BCAS4: variants seen among roughly 807,000 people sequenced by gnomAD.
BCAS4 encodes breast carcinoma amplified sequence 4.
A neutral mutation model predicts 15.7 loss-of-function variants in BCAS4; 9 were observed. The observed-to-expected ratio is 0.57, with a 90% CI of 0.34 to 1.00. The LOEUF (loss-of-function observed/expected upper bound fraction) is 1.00. Ranked by LOEUF, BCAS4 falls within the 50% of genes least tolerant of loss-of-function variation. BCAS4 has a pLI of 0.02. For missense variants in BCAS4, 225 were observed against 239.1 expected (o/e 0.94, Z 0.39); for synonymous variants, 101 against 99.5 (o/e 1.02, Z -0.09).
intron 4 of BCAS4, among the ~76,000 whole-genome samples, chr20:50,869,076 G>A (rs1979500514): frequency 6.6e-6 from 1 of 152,258 alleles, no homozygotes; most frequent in Admixed American, 6.5e-5. Flanking sequence ...CAGCGAAGCT[G>A]ATGGCGTTAT....
intron 2 of BCAS4, among the ~76,000 whole-genome samples, chr20:50,826,735 G>A (rs1354711200): frequency 2.6e-5 from 4 of 152,180 alleles, no homozygotes; most frequent in Non-Finnish European, 4.4e-5. Context: ...ACTTTGGATT[G>A]AGGCAGGAGG....
chr20:50,808,000 T>C (rs903536428), intron 1 of BCAS4, among the ~76,000 whole-genome samples: 2 of 150,692 alleles, frequency 1.3e-5, no homozygotes, highest in African/African-American at 2.4e-5. Context: ...CTCCGCCTCC[T>C]GGGTTCACGC....
chr20:50,854,152 A>G (rs1978626869), intron 4 of BCAS4, among the ~76,000 whole-genome samples: 1 of 152,092 alleles, frequency 6.6e-6, no homozygotes, highest in Admixed American at 6.5e-5. Context: ...AAAGTTAAAA[A>G]ATATATGAAA....
intron 4 of BCAS4, among the ~76,000 whole-genome samples, chr20:50,871,390 G>A (rs557161671): frequency 1.3e-5 from 2 of 152,372 alleles, no homozygotes; most frequent in South Asian, 2.1e-4. Flanking sequence ...CCGCCAGGGC[G>A]TCTGCAGCCG....
At chr20:50,808,406 C>T (rs1468263519) in intron 1 of BCAS4, among the ~76,000 whole-genome samples, 1 of 152,228 alleles carries the variant, frequency 6.6e-6, no homozygotes, top group Non-Finnish European at 1.5e-5. Context: ...AATCTCCACA[C>T]TGTTTTCCGT....
chr20:50,841,857 T>C lies in BCAS4; in HGVS notation c.356T>C (p.Leu119Pro), dbSNP rs763173953. The C allele has an allele frequency of 1.2e-6, 2 of 1,606,676 alleles. No homozygotes were observed. The highest frequency in any genetic ancestry group is 1.1e-5 in the South Asian group (1 of 90,580). ...ERDHGAFPQA[L>P]RRWLGSAGLP... ...GACCATGGGGCCTTCCCTCAGGCCC[T>C]GCGGAGGTGGCTGGGATCCGCAGGG... Residue 119 changes from leucine to proline, a missense_variant, in exon 4 of 5, where the codon CTG becomes CCG. Physicochemically the swap from Leu to Pro is moderately conservative, Grantham distance 98 (BLOSUM62 -3). Transcript: ENST00000371608.
intron 2 of BCAS4, among the ~76,000 whole-genome samples, chr20:50,825,331 C>T (rs924752818): frequency 6.6e-6 from 1 of 152,134 alleles, no homozygotes; most frequent in African/African-American, 2.4e-5. Context: ...ACCCTCTCAC[C>T]TCGGCCTCTC....
intron 4 of BCAS4, among the ~76,000 whole-genome samples, chr20:50,861,929 C>CT (rs2123837146): frequency 7.2e-6 from 1 of 138,876 alleles, no homozygotes; most frequent in South Asian, 2.5e-4. Context: ...TCATGGCTCA[C>CT]TGCAGCCTCC....
chr20:50,852,547 A>G (rs1249737378), intron 4 of BCAS4, among the ~76,000 whole-genome samples: 1 of 151,676 alleles, frequency 6.6e-6, no homozygotes, highest in African/African-American at 2.4e-5. Context: ...ATGACTGGCT[A>G]ATTTTTGTAT....
chr20:50,846,054 AAG>A (rs1224902565), intron 4 of BCAS4, among the ~76,000 whole-genome samples: 4 of 152,210 alleles, frequency 2.6e-5, no homozygotes, highest in African/African-American at 9.6e-5. Flanking sequence ...CTGCCTGAGA[AAG>A]AGGCATTTGC....
chr20:50,840,748 A>G lies in BCAS4; in HGVS notation c.265-1018A>G, dbSNP rs1316188758. On this transcript the variant is annotated intron_variant, in intron 3 of 4. Transcript: ENST00000371608. ...CTCAGCCATATCGGATTTGTCAGACATGGTTACGGAGGAGAAGCGGAGCGA... is the reference window on the plus strand; with the variant it reads ...CTCAGCCATATCGGATTTGTCAGACGTGGTTACGGAGGAGAAGCGGAGCGA... 5.0e-6 allele frequency: 8 copies of G among 1,609,552 alleles called. No individual in the cohort carries two copies. The East Asian group carries it at 1.1e-4, about 22-fold the overall frequency.
At position 50,833,961 on chromosome 20, in the gene BCAS4, G is replaced by A. The variant is rs536089160; in HGVS notation, c.264+3581G>A. Among the ~76,000 whole-genome samples, 4 of 152,314 alleles carry A rather than the reference G, an allele frequency of 2.6e-5. No individual in the cohort carries two copies. The South Asian group carries it at 8.3e-4, about 32-fold the overall frequency. The stretch of plus-strand genomic sequence containing the variant: ...TGGAACCTAAGGCCTGAGATTTGGT[G>A]CAGGAATCCTGGGGAGGGAGCAGCT... On this transcript the variant is annotated intron_variant, in intron 3 of 4. Transcript: ENST00000371608.
intron 4 of BCAS4, among the ~76,000 whole-genome samples, chr20:50,875,602 TAAAAAAAAAAAA>T (rs3971637): frequency 9.9e-6 from 1 of 100,560 alleles, no homozygotes; most frequent in Admixed American, 1.1e-4. Flanking sequence ...TCATCTCTAC[TAAAAAAAAAAAA>T]AAAAAAAAGA....
At chr20:50,850,165 A>G (rs920390929) in intron 4 of BCAS4, among the ~76,000 whole-genome samples, 1 of 152,204 alleles carries the variant, frequency 6.6e-6, no homozygotes, top group Non-Finnish European at 1.5e-5. Context: ...AAACAGCAAC[A>G]TGACTAACAG....
intron 3 of BCAS4, among the ~76,000 whole-genome samples, chr20:50,835,824 T>TA (rs1194322270): frequency 6.6e-6 from 1 of 152,166 alleles, no homozygotes; most frequent in Non-Finnish European, 1.5e-5. Context: ...GATTTCTCTG[T>TA]AACTGATGCT....
At chr20:50,827,063 A>G (rs1057511395) in intron 2 of BCAS4, among the ~76,000 whole-genome samples, 1 of 152,240 alleles carries the variant, frequency 6.6e-6, no homozygotes, top group Non-Finnish European at 1.5e-5. Flanking sequence ...GTATGTTGCT[A>G]TTCACTGAAC....
intron 2 of BCAS4, 54 bp from the exon 3 acceptor site, chr20:50,830,225 A>G (rs1264993728): frequency 6.1e-6 from 9 of 1,468,080 alleles, no homozygotes; most frequent in Non-Finnish European, 7.6e-6. Context: ...TGAGGCAGGC[A>G]GGAGGACACA....
intron 2 of BCAS4, among the ~76,000 whole-genome samples, chr20:50,819,182 C>CA (rs200632082): frequency 0.011 from 1,607 of 146,728 alleles, 37 homozygotes; most frequent in African/African-American, 0.035. Context: ...GATTGTGTCT[C>CA]AAAAAAAAAA....
chr20:50,834,994 G>A (rs1006952815), intron 3 of BCAS4, among the ~76,000 whole-genome samples: 8 of 152,144 alleles, frequency 5.3e-5, no homozygotes, highest in Non-Finnish European at 7.3e-5. Context: ...TACGGCTGTC[G>A]TAAACAATGC....
Sources: gnomAD v4.1 joint callset for allele counts (sites outside exome capture counted in the v4.1 genomes callset) on GRCh38, gnomAD v4.1.1 for gene constraint, MANE v1.5 for transcripts, NCBI Gene and HGNC (gene_info 2026-07-23, HGNC 2026-07-21) for gene names.